Variants in PPP3R1 observed in about 807,000 individuals in gnomAD.
The protein encoded by PPP3R1 is calcineurin subunit B type 1.
In PPP3R1, 5 loss-of-function variants were observed where a neutral mutation model predicts 22.6. The ratio of observed to expected loss-of-function variants is 0.22; its 90% CI spans 0.12 to 0.46. The LOEUF (loss-of-function observed/expected upper bound fraction) is 0.46, where lower values mean the gene tolerates loss of function less well. PPP3R1 is among the 20% of genes least tolerant of loss of function. The pLI is 0.99. For synonymous variants in PPP3R1, 56 were observed against 65.2 expected (o/e 0.86, Z 0.68); for missense variants, 61 against 203.2 (o/e 0.30, Z 4.25).
chr2:68,181,713 G>C (rs1674407285), intron 5 of PPP3R1, among the ~76,000 whole-genome samples: 1 of 151,408 alleles, frequency 6.6e-6, no homozygotes, highest in Non-Finnish European at 1.5e-5. Flanking sequence ...CCCTACTTCA[G>C]TAGTTTAATA....
At chr2:68,211,421 A>AAAAAC (rs1669484096) in intron 2 of PPP3R1, among the ~76,000 whole-genome samples, 1 of 151,406 alleles carries the variant, frequency 6.6e-6, no homozygotes, top group Non-Finnish European at 1.5e-5. Flanking sequence ...AAAAAAAAAA[A>AAAAAC]AAAACTCTAT....
At chr2:68,237,890 T>C (rs995208098) in intron 1 of PPP3R1, among the ~76,000 whole-genome samples, 1 of 152,140 alleles carries the variant, frequency 6.6e-6, no homozygotes, top group Non-Finnish European at 1.5e-5. Flanking sequence ...TCAGCTTAGG[T>C]AAACAAAGGT....
At chr2:68,248,558 T>C (rs1302309070) in intron 1 of PPP3R1, among the ~76,000 whole-genome samples, 1 of 152,212 alleles carries the variant, frequency 6.6e-6, no homozygotes, top group Middle Eastern at 3.2e-3. Flanking sequence ...TTAAGACTGC[T>C]TGGCTCATCT....
At chr2:68,195,366 C>G (rs1265267940) in intron 2 of PPP3R1, among the ~76,000 whole-genome samples, 1 of 152,092 alleles carries the variant, frequency 6.6e-6, no homozygotes, top group Admixed American at 6.6e-5. Context: ...ATTGTGTCCT[C>G]CAGTACACTG....
intron 2 of PPP3R1, among the ~76,000 whole-genome samples, chr2:68,204,789 A>G (rs1391386810): frequency 6.6e-6 from 1 of 152,230 alleles, no homozygotes; most frequent in Non-Finnish European, 1.5e-5. Flanking sequence ...CTTTAAAATT[A>G]TCCAACGAGT....
At chr2:68,185,493 G>A (rs1300032147) in intron 5 of PPP3R1, among the ~76,000 whole-genome samples, 1 of 146,350 alleles carries the variant, frequency 6.8e-6, no homozygotes, top group Non-Finnish European at 1.5e-5. Flanking sequence ...ATATACATAA[G>A]ATATATACAT....
chr2:68,220,476 G>A (rs1009400302), intron 1 of PPP3R1, among the ~76,000 whole-genome samples: 11 of 152,172 alleles, frequency 7.2e-5, no homozygotes, highest in Non-Finnish European at 1.0e-4. Flanking sequence ...TAAATACACA[G>A]GGAATTGGGT....
At chr2:68,185,213 G>A (rs1273324875) in intron 5 of PPP3R1, among the ~76,000 whole-genome samples, 3 of 131,578 alleles carry the variant, frequency 2.3e-5, no homozygotes, top group Admixed American at 8.1e-5. Flanking sequence ...GTGAGACTCC[G>A]TTTCAAAAAA....
intron 2 of PPP3R1, among the ~76,000 whole-genome samples, chr2:68,207,127 T>G (rs1327152060): frequency 8.7e-6 from 1 of 114,972 alleles, no homozygotes; most frequent in Non-Finnish European, 1.9e-5. Flanking sequence ...AAAAAAAAAA[T>G]TACTACAATG....
chr2:68,224,607 T>C (rs145719440), intron 1 of PPP3R1, among the ~76,000 whole-genome samples: 2,792 of 150,148 alleles, frequency 0.019, 92 homozygotes, highest in African/African-American at 0.064. Context: ...GAGGTTGCAG[T>C]GAGCTGAAAT....
chr2:68,223,370 T>C (rs1669723781), intron 1 of PPP3R1, among the ~76,000 whole-genome samples: 1 of 152,222 alleles, frequency 6.6e-6, no homozygotes, highest in African/African-American at 2.4e-5. Flanking sequence ...CACTCTAGCC[T>C]AGGCAACAGT....
chr2:68,185,636 G>C (rs1358266583), intron 5 of PPP3R1, among the ~76,000 whole-genome samples: 3 of 151,420 alleles, frequency 2.0e-5, no homozygotes, highest in Non-Finnish European at 4.4e-5. Flanking sequence ...ATTTATGATG[G>C]CACAACCAGC....
chr2:68,229,111 G>A (rs1356845034), intron 1 of PPP3R1, among the ~76,000 whole-genome samples: 2 of 151,972 alleles, frequency 1.3e-5, no homozygotes, highest in African/African-American at 4.8e-5. Context: ...TCAAATTCCT[G>A]GGCTCAAGTG....
chr2:68,197,483 T>TA (rs1674811600), intron 2 of PPP3R1, among the ~76,000 whole-genome samples: 1 of 148,598 alleles, frequency 6.7e-6, no homozygotes, highest in East Asian at 1.9e-4. Flanking sequence ...TGTATTTCTG[T>TA]AAACAAACGT....
At chr2:68,203,963 A>C (rs1197393327) in intron 2 of PPP3R1, among the ~76,000 whole-genome samples, 1 of 152,154 alleles carries the variant, frequency 6.6e-6, no homozygotes, top group Middle Eastern at 3.2e-3. Flanking sequence ...AAAAGATTTA[A>C]TCTTTCACCT....
chr2:68,185,965 T>C (rs1322329433), intron 5 of PPP3R1, among the ~76,000 whole-genome samples: 2 of 152,236 alleles, frequency 1.3e-5, no homozygotes, highest in Non-Finnish European at 2.9e-5. Context: ...TTTTTCCTTA[T>C]ATGATTTACA....
chr2:68,181,890 C>T (rs905293734), intron 5 of PPP3R1, among the ~76,000 whole-genome samples: 1 of 152,104 alleles, frequency 6.6e-6, no homozygotes, highest in Non-Finnish European at 1.5e-5. Context: ...TCAGTGAATA[C>T]TGACATGGTA....
At chr2:68,186,775 TTAAAA>T (rs1674554864) in intron 4 of PPP3R1, 123 bp from the exon 5 acceptor site, 1 of 953,094 alleles carries the variant, frequency 1.0e-6, no homozygotes. Flanking sequence ...GTCTCCTTCC[TTAAAA>T]TAGAGTTGTC....
At chr2:68,182,619 C>T (rs568577537) in intron 5 of PPP3R1, among the ~76,000 whole-genome samples, 100 of 147,082 alleles carry the variant, frequency 6.8e-4, no homozygotes, top group Non-Finnish European at 1.0e-3. Context: ...AGTTCAAGAC[C>T]GGCCTGACCA....
Sources: gnomAD v4.1 joint callset for allele counts (sites outside exome capture counted in the v4.1 genomes callset) on GRCh38, gnomAD v4.1.1 for gene constraint, MANE v1.5 for transcripts, NCBI Gene and HGNC (gene_info 2026-07-23, HGNC 2026-07-21) for gene names.